CSMD1: variants seen among roughly 807,000 people sequenced by gnomAD.
The protein encoded by CSMD1 is CUB and Sushi multiple domains 1, also known as CUB and sushi domain-containing protein 1.
CSMD1 carries 213 observed loss-of-function variants against 417.5 expected under a neutral mutation model. That is an observed-to-expected ratio of 0.51 (90% CI 0.46 to 0.57). CSMD1 has a LOEUF of 0.57. Among genes scored for constraint, CSMD1 ranks in the 20% least tolerant of loss-of-function variants. The pLI, the probability that CSMD1 is intolerant of heterozygous loss-of-function variation, is 0.00. For missense variants in CSMD1, 6,923 were observed against 4,529.7 expected (o/e 1.53, Z -15.17); for synonymous variants, 2,862 against 1,736.8 (o/e 1.65, Z -16.11).
chr8:4,085,073 G>C (rs368592956), intron 3 of CSMD1, among the ~76,000 whole-genome samples: 1 of 152,162 alleles, frequency 6.6e-6, no homozygotes, highest in African/African-American at 2.4e-5. Context: ...CAAAGGAAGT[G>C]AATGTGTTTA....
chr8:3,868,467 A>C (rs1353477980), intron 5 of CSMD1, among the ~76,000 whole-genome samples: 1 of 152,062 alleles, frequency 6.6e-6, no homozygotes, highest in African/African-American at 2.4e-5. Context: ...CATCAGCCAA[A>C]AGGAAGGGGC....
chr8:4,140,173 CA>C (rs1338657942), intron 3 of CSMD1, among the ~76,000 whole-genome samples: 2 of 149,616 alleles, frequency 1.3e-5, no homozygotes, highest in East Asian at 3.9e-4. Context: ...AGCAACATAG[CA>C]AAAACCCGTA....
intron 10 of CSMD1, among the ~76,000 whole-genome samples, chr8:3,523,110 C>T (rs1014312470): frequency 6.6e-6 from 1 of 151,782 alleles, no homozygotes; most frequent in African/African-American, 2.4e-5. Context: ...ATAGTTACAT[C>T]TGCACATTTT....
intron 2 of CSMD1, among the ~76,000 whole-genome samples, chr8:4,505,163 G>A (rs1802455055): frequency 6.6e-6 from 1 of 152,102 alleles, no homozygotes; most frequent in African/African-American, 2.4e-5. Context: ...ATAAAAACCT[G>A]GTGGCTTTAG....
intron 3 of CSMD1, among the ~76,000 whole-genome samples, chr8:4,053,122 G>A (rs1345245441): frequency 6.6e-6 from 1 of 152,170 alleles, no homozygotes; most frequent in Non-Finnish European, 1.5e-5. Flanking sequence ...CCTTGCCCAG[G>A]AAGCTTCTCC....
chr8:3,092,363 A>G (rs984376388), intron 47 of CSMD1, among the ~76,000 whole-genome samples: 34 of 152,210 alleles, frequency 2.2e-4, no homozygotes, highest in African/African-American at 8.2e-4. Context: ...AATTATACAA[A>G]AAATAAAAAA....
intron 2 of CSMD1, among the ~76,000 whole-genome samples, chr8:4,436,420 ATGTG>A (rs764194115): frequency 2.0e-5 from 3 of 152,134 alleles, no homozygotes; most frequent in Non-Finnish European, 4.4e-5. Flanking sequence ...TACAGAGTAG[ATGTG>A]TGTATTTGTG....
chr8:4,161,839 C>T (rs111230360), intron 3 of CSMD1, among the ~76,000 whole-genome samples: 1 of 152,126 alleles, frequency 6.6e-6, no homozygotes, highest in South Asian at 2.1e-4. Flanking sequence ...TATGTCACTG[C>T]ATTTTTTTCT....
intron 2 of CSMD1, among the ~76,000 whole-genome samples, chr8:4,484,646 C>T (rs897833278): frequency 3.3e-5 from 5 of 152,018 alleles, no homozygotes; most frequent in African/African-American, 1.2e-4. Flanking sequence ...ACACATCTTC[C>T]TGCATGGTCC....
At position 3,567,198 on chromosome 8, in the gene CSMD1, T is replaced by A. The variant is rs569627609; in HGVS notation, c.1344+7747A>T. On this transcript the variant is annotated intron_variant, in intron 10 of 69. Coordinates refer to ENST00000635120, the MANE Select transcript of CSMD1 (RefSeq NM_033225.6). ...AAACCAAATACTGCATGTTCTCACTTCTAGGTGGGCACCAAATGGTGAAAG... is the reference window on the plus strand; with the variant it reads ...AAACCAAATACTGCATGTTCTCACTACTAGGTGGGCACCAAATGGTGAAAG... Among the ~76,000 whole-genome samples, 496 of 152,122 alleles carry A rather than the reference T, an allele frequency of 3.3e-3. 5 individuals carry two copies. Among genetic ancestry groups the A allele is most frequent in the African/African-American group, 0.011 (457 of 41,504 alleles).
At chr8:3,848,064 G>C (rs1218830006) in intron 5 of CSMD1, among the ~76,000 whole-genome samples, 13 of 134,572 alleles carry the variant, frequency 9.7e-5, no homozygotes, top group Admixed American at 8.6e-4. Context: ...CCATCCTGGT[G>C]ATATTTCTCT....
At chr8:4,456,965 T>C (rs2129901057) in intron 2 of CSMD1, among the ~76,000 whole-genome samples, 1 of 134,518 alleles carries the variant, frequency 7.4e-6, no homozygotes, top group East Asian at 2.3e-4. Context: ...CAAGAGATTT[T>C]GATGAGTGTG....
chr8:3,104,013 G>T (rs1330879899), intron 46 of CSMD1, among the ~76,000 whole-genome samples: 1 of 152,060 alleles, frequency 6.6e-6, no homozygotes, highest in Non-Finnish European at 1.5e-5. Flanking sequence ...AAAGTTCTGG[G>T]ATTACAGGCA....
At chr8:3,971,578 A>G (rs1413582190) in intron 5 of CSMD1, among the ~76,000 whole-genome samples, 1 of 152,172 alleles carries the variant, frequency 6.6e-6, no homozygotes, top group African/African-American at 2.4e-5. Context: ...TAATACCATA[A>G]TTTTGTAGAA....
At chr8:3,459,336 G>T (rs1816352293) in intron 12 of CSMD1, among the ~76,000 whole-genome samples, 1 of 152,106 alleles carries the variant, frequency 6.6e-6, no homozygotes, top group African/African-American at 2.4e-5. Context: ...TGGGGCACAG[G>T]GTACACAACA....
intron 50 of CSMD1, among the ~76,000 whole-genome samples, chr8:3,038,575 T>C (rs1393866927): frequency 6.6e-6 from 1 of 152,194 alleles, no homozygotes; most frequent in African/African-American, 2.4e-5. Context: ...TTACATGTTA[T>C]AAGGTTTCAC....
At chr8:4,745,102 G>A (rs1013062909) in intron 1 of CSMD1, among the ~76,000 whole-genome samples, 8 of 151,914 alleles carry the variant, frequency 5.3e-5, no homozygotes, top group Non-Finnish European at 1.0e-4. Context: ...CGTAAGAATG[G>A]CATGTCAAAA....
rs5888961 is a variant in CSMD1 at position 3,308,732 on chromosome 8, GTTTTTTT to G, written c.3632-236_3632-230del. On this transcript the variant is annotated intron_variant, in intron 23 of 69. Transcript: ENST00000635120. ...CTTATTTGTTCCTCCCTACTTACAAGTTTTTTTTTTTTTTTTTTTTTGCTTTTGTTGC... is the reference window on the plus strand; with the variant it reads ...CTTATTTGTTCCTCCCTACTTACAAGTTTTTTTTTTTTTTGCTTTTGTTGC... Among the ~76,000 whole-genome samples, 4 of 108,952 alleles carry G rather than the reference GTTTTTTT, an allele frequency of 3.7e-5. No individual in the cohort carries two copies. The East Asian group carries it at 9.9e-4, about 27-fold the overall frequency. 71.5% of individuals were successfully genotyped at this position (108,952 alleles called of 152,430 possible).
At chr8:4,338,437 C>T (rs920746528) in intron 3 of CSMD1, among the ~76,000 whole-genome samples, 1 of 152,078 alleles carries the variant, frequency 6.6e-6, no homozygotes, top group Non-Finnish European at 1.5e-5. Flanking sequence ...CAGAGCCATG[C>T]AAACAAGAAA....
Sources: gnomAD v4.1 joint callset for allele counts (sites outside exome capture counted in the v4.1 genomes callset) on GRCh38, gnomAD v4.1.1 for gene constraint, MANE v1.5 for transcripts, NCBI Gene and HGNC (gene_info 2026-07-23, HGNC 2026-07-21) for gene names.